GAB2: variants seen among roughly 807,000 people sequenced by gnomAD.
GAB2 encodes GRB2-associated-binding protein 2.
In GAB2, 26 loss-of-function variants were observed where a neutral mutation model predicts 65.5. That is an observed-to-expected ratio of 0.40 (90% CI 0.29 to 0.55). GAB2 has a LOEUF of 0.55. Among genes scored for constraint, GAB2 ranks in the 20% least tolerant of loss-of-function variants. The pLI is 0.53. For synonymous variants in GAB2, 321 were observed against 329.6 expected (o/e 0.97, Z 0.28); for missense variants, 884 against 875.8 (o/e 1.01, Z -0.12).
intron 1 of GAB2, among the ~76,000 whole-genome samples, chr11:78,407,318 A>T (rs1857057647): frequency 6.6e-6 from 1 of 152,070 alleles, no homozygotes; most frequent in African/African-American, 2.4e-5. Flanking sequence ...GAGAAAAAAA[A>T]TCATTGAACG....
intron 1 of GAB2, among the ~76,000 whole-genome samples, chr11:78,347,691 A>T (rs1281654625): frequency 6.6e-6 from 1 of 152,248 alleles, no homozygotes; most frequent in Admixed American, 6.5e-5. Flanking sequence ...ACAAGAAAAC[A>T]TAGGAGAAAA....
intron 1 of GAB2, among the ~76,000 whole-genome samples, chr11:78,392,658 G>T (rs1347700132): frequency 1.3e-5 from 2 of 152,110 alleles, no homozygotes; most frequent in Admixed American, 1.3e-4. Flanking sequence ...TGAAGATGGG[G>T]GTACTGGGGA....
intron 1 of GAB2, among the ~76,000 whole-genome samples, chr11:78,359,926 A>G (rs1328405868): frequency 6.6e-6 from 1 of 152,246 alleles, no homozygotes; most frequent in African/African-American, 2.4e-5. Context: ...CCCTTAGGCC[A>G]TATAAGATAA....
intron 1 of GAB2, among the ~76,000 whole-genome samples, chr11:78,289,547 T>C (rs1302306476): frequency 6.6e-6 from 1 of 152,146 alleles, no homozygotes; most frequent in African/African-American, 2.4e-5. Context: ...CCAAAAATAC[T>C]CCTTTGAAGT....
chr11:78,326,027 TTCTTA>T (rs1202866539), intron 1 of GAB2, among the ~76,000 whole-genome samples: 3 of 152,210 alleles, frequency 2.0e-5, no homozygotes, highest in East Asian at 1.9e-4. Context: ...GAGACAATCA[TTCTTA>T]TCTTGTGTTT....
intron 1 of GAB2, among the ~76,000 whole-genome samples, chr11:78,325,622 T>C (rs116793544): frequency 2.7e-4 from 41 of 152,348 alleles, no homozygotes; most frequent in Non-Finnish European, 5.6e-4. Flanking sequence ...TTTATGATGC[T>C]AGATTTCTAA....
intron 1 of GAB2, among the ~76,000 whole-genome samples, chr11:78,358,870 T>C (rs1442092691): frequency 1.3e-5 from 2 of 152,104 alleles, no homozygotes; most frequent in African/African-American, 4.8e-5. Flanking sequence ...GAAGAGAAGC[T>C]TGAAAAAATT....
chr11:78,337,024 G>C (rs1042040065), intron 1 of GAB2, among the ~76,000 whole-genome samples: 1 of 152,154 alleles, frequency 6.6e-6, no homozygotes, highest in African/African-American at 2.4e-5. Flanking sequence ...ACCTACCTTT[G>C]ACTATGGACT....
At chr11:78,342,258 T>C (rs1015892740) in intron 1 of GAB2, among the ~76,000 whole-genome samples, 1 of 152,156 alleles carries the variant, frequency 6.6e-6, no homozygotes, top group Non-Finnish European at 1.5e-5. Flanking sequence ...CATTCTCACA[T>C]CGCATTATTC....
Position 78,417,772 on chromosome 11 carries a change from G to C in GAB2, c.-52C>G. 1 of 966,250 alleles carries C rather than the reference G, an allele frequency of 1.0e-6. No individual in the cohort carries two copies. The highest frequency in any genetic ancestry group is 4.2e-5 in the South Asian group (1 of 24,088). 59.9% of individuals were successfully genotyped at this position (966,250 alleles called of 1,614,324 possible). ...GTCGCGCGGACGAGGGCGCGGGCTC[G>C]GGCAGCTGGGGCAGCGGCCGGCGGT... On this transcript the variant is annotated 5_prime_UTR_variant, in exon 1 of 10. Coordinates refer to ENST00000361507, the MANE Select transcript of GAB2 (RefSeq NM_080491.3).
chr11:78,293,863 G>A (rs1172313624), intron 1 of GAB2, among the ~76,000 whole-genome samples: 4 of 152,158 alleles, frequency 2.6e-5, no homozygotes, highest in African/African-American at 4.8e-5. Context: ...GAGGGAGAGC[G>A]AGAGCATGCA....
chr11:78,315,451 C>T (rs1267761612), intron 1 of GAB2, among the ~76,000 whole-genome samples: 2 of 152,142 alleles, frequency 1.3e-5, no homozygotes, highest in Non-Finnish European at 2.9e-5. Context: ...GCAAATGGTG[C>T]TGGGAAAACT....
chr11:78,348,531 GA>G (rs1177629208), intron 1 of GAB2, among the ~76,000 whole-genome samples: 1 of 152,144 alleles, frequency 6.6e-6, no homozygotes, highest in Non-Finnish European at 1.5e-5. Flanking sequence ...AAACCACAAT[GA>G]ATACCATGAC....
chr11:78,411,745 C>A (rs2135098696), intron 1 of GAB2, among the ~76,000 whole-genome samples: 1 of 151,634 alleles, frequency 6.6e-6, no homozygotes, highest in South Asian at 2.1e-4. Context: ...AAAAAAAAAC[C>A]AGGAAAGCCG....
At chr11:78,260,855 T>C (rs1865709320) in intron 2 of GAB2, among the ~76,000 whole-genome samples, 1 of 152,228 alleles carries the variant, frequency 6.6e-6, no homozygotes, top group African/African-American at 2.4e-5. Context: ...GAAGTGAAAC[T>C]ATAAGCTGTT....
At chr11:78,237,233 C>T (rs748082856) in intron 3 of GAB2, among the ~76,000 whole-genome samples, 7 of 152,190 alleles carry the variant, frequency 4.6e-5, no homozygotes, top group Non-Finnish European at 1.0e-4. Flanking sequence ...TTGCTCATTA[C>T]TGTTTAAGTA....
intron 8 of GAB2, among the ~76,000 whole-genome samples, chr11:78,220,712 T>C (rs55889757): frequency 8.9e-4 from 136 of 152,278 alleles, no homozygotes; most frequent in African/African-American, 3.2e-3. Context: ...TGCACAGCTG[T>C]TGAGTGATGG....
At chr11:78,328,118 T>C (rs190892889) in intron 1 of GAB2, among the ~76,000 whole-genome samples, 22 of 152,278 alleles carry the variant, frequency 1.4e-4, no homozygotes, top group Admixed American at 1.3e-3. Context: ...GACCTGACCT[T>C]GGACCCTTCC....
chr11:78,414,654 G>A (rs561176425), intron 1 of GAB2, among the ~76,000 whole-genome samples: 1 of 152,112 alleles, frequency 6.6e-6, no homozygotes, highest in Non-Finnish European at 1.5e-5. Context: ...GCCATATCAG[G>A]ATGCCCCAGA....
Sources: gnomAD v4.1 joint callset for allele counts (sites outside exome capture counted in the v4.1 genomes callset) on GRCh38, gnomAD v4.1.1 for gene constraint, MANE v1.5 for transcripts, NCBI Gene and HGNC (gene_info 2026-07-23, HGNC 2026-07-21) for gene names.